The following OR52N1 variants were observed in gnomAD, a reference collection of about 807,000 sequenced individuals.
The protein encoded by OR52N1 is olfactory receptor family 52 subfamily N member 1.
A neutral mutation model predicts 13.9 loss-of-function variants in OR52N1; 11 were observed. The ratio of observed to expected loss-of-function variants is 0.79; its 90% CI spans 0.50 to 1.31. The LOEUF (loss-of-function observed/expected upper bound fraction) is 1.31, where lower values mean the gene tolerates loss of function less well. Among genes scored for constraint, OR52N1 ranks in the 40% most tolerant of loss-of-function variants. The pLI is 0.00. For synonymous variants in OR52N1, 142 were observed against 143.7 expected (o/e 0.99, Z 0.08); for missense variants, 414 against 397.7 (o/e 1.04, Z -0.35).
rs769835835 is a variant in OR52N1, at chr11:5,788,255, T to C, written c.562A>G (p.Lys188Glu). 6.2e-7 allele frequency: 1 copy of C among 1,614,106 alleles called. No individual in the cohort carries two copies. The highest frequency in any genetic ancestry group is 1.3e-5 in the African/African-American group (1 of 75,046). Residue 188 changes from lysine (K) to glutamate (E), a missense_variant, in exon 2 of 2, where the codon AAG (lysine) becomes GAG (glutamate). By Grantham distance (56) the Lys-to-Glu change is moderately conservative. Transcript: ENST00000641645. Reference protein sequence around the residue: ...HTYCDHMSVAKISCGNVRVNA... With the variant: ...HTYCDHMSVAEISCGNVRVNA... Reference sequence around the variant, plus strand: ...ACCCTGACATTACCACAAGATATCTTGGCCACAGACATGTGGTCACAGTAG... The same window carrying C: ...ACCCTGACATTACCACAAGATATCTCGGCCACAGACATGTGGTCACAGTAG...
In OR52N1 at chr11:5,787,112, C is replaced by T. The variant is rs992712531; in HGVS notation, c.*742G>A. The T allele has an allele frequency of 7.2e-6, 1 of 139,694 alleles. No homozygotes were observed. Among genetic ancestry groups the T allele is most frequent in the Non-Finnish European group, 1.6e-5 (1 of 63,278 alleles). 8.7% of individuals were successfully genotyped at this position (139,694 alleles called of 1,614,324 possible). A position where few individuals can be genotyped will look rare whatever the true frequency, so the allele number is the denominator to read the frequency against. On this transcript the variant is annotated 3_prime_UTR_variant, in exon 2 of 2. Coordinates refer to ENST00000641645, the MANE Select transcript of OR52N1 (RefSeq NM_001001913.2). ...GGTCAAGAACTAATCAACGGTGGTA[C>T]CTCAGAAGCATCCCCCTCATTACCT...
In OR52N1 at chr11:5,788,014, C is replaced by T. The variant is rs147782763; in HGVS notation, c.803G>A (p.Gly268Glu). The change falls in exon 2 of 2, where the codon GGA becomes GAA. Residue 268 changes from glycine to glutamate, a missense_variant. Gly to Glu is a moderately conservative substitution (Grantham distance 98). Transcript: ENST00000641645. ...FFTFFTHHFG[G>E]HTIPLHIHII... ...ATGTATGTGTAGAGGAATGGTGTGT[C>T]CCCCAAAATGGTGTGTAAAGAAGGT... 42 of 1,298,904 alleles carry T rather than the reference C, an allele frequency of 3.2e-5. 3 individuals carry two copies. The African/African-American group carries it at 7.3e-4, about 23-fold the overall frequency. The allele number at this position is 1,298,904 out of a possible 1,614,324, so 80.5% of individuals were successfully genotyped here. A position where few individuals can be genotyped will look rare whatever the true frequency, so the allele number is the denominator to read the frequency against.
rs1854604432 is a variant in OR52N1, at chr11:5,787,403, GC to G, written c.*450del. On this transcript the variant is annotated 3_prime_UTR_variant, in exon 2 of 2. Coordinates refer to ENST00000641645, the MANE Select transcript of OR52N1 (RefSeq NM_001001913.2). ...TGGGTTGCTACTGGATAGATATACA[GC>G]TGGCAAACTTGGGATAGAAGCAGAA... The G allele has an allele frequency of 7.2e-6, 1 of 139,416 alleles. No individual in the cohort carries two copies. Among genetic ancestry groups the G allele is most frequent in the Admixed American group, 7.2e-5 (1 of 13,952 alleles). The allele number at this position is 139,416 out of a possible 1,614,324, so 8.6% of individuals were successfully genotyped here. A position where few individuals can be genotyped will look rare whatever the true frequency, so the allele number is the denominator to read the frequency against.
rs374970756 is a variant in OR52N1 at position 5,789,399 on chromosome 11, A to G, written c.-44-539T>C. ...GCTGTAGTTTTCTTGAAGCGAAATC[A>G]TAGAATGATCTTAGAGGCAAATAAA... On this transcript the variant is annotated intron_variant, in intron 1 of 1. Transcript: ENST00000641645. 3.3e-5 allele frequency among the ~76,000 whole-genome samples: 5 copies of G among 152,302 alleles called. No homozygotes were observed. The East Asian group carries it at 5.8e-4, about 18-fold the overall frequency.
chr11:5,790,744 C>A lies in OR52N1; in HGVS notation c.-45+367G>T, dbSNP rs550444685. On this transcript the variant is annotated intron_variant, in intron 1 of 1. Transcript: ENST00000641645. Reference sequence around the variant, plus strand: ...TGATTGTTGGCCACATACGTGTTTTCTTCTGAGATGTGTCTGTTCATATCC... The same window carrying A: ...TGATTGTTGGCCACATACGTGTTTTATTCTGAGATGTGTCTGTTCATATCC... 1.5e-4 allele frequency among the ~76,000 whole-genome samples: 23 copies of A among 152,168 alleles called. No individual in the cohort carries two copies. The South Asian group carries it at 4.6e-3, about 30-fold the overall frequency.
chr11:5,788,775 G>A lies in OR52N1; in HGVS notation c.42C>T (p.Phe14=). The change falls in exon 2 of 2, where the codon TTC becomes TTT. Residue 14 remains phenylalanine, a synonymous_variant. Coordinates refer to ENST00000641645, the MANE Select transcript of OR52N1 (RefSeq NM_001001913.2). The part of the protein sequence containing the change: ...LNGTSLTPAS[F]ILNGIPGLED... ...CCAAACCAGGGATGCCATTTAGGATGAATGAAGCTGGAGTTAGGCTGGTGC... is the reference window on the plus strand; with the variant it reads ...CCAAACCAGGGATGCCATTTAGGATAAATGAAGCTGGAGTTAGGCTGGTGC... 6.2e-7 allele frequency: 1 copy of A among 1,609,046 alleles called. No homozygotes were observed. Among genetic ancestry groups the A allele is most frequent in the Non-Finnish European group, 8.5e-7 (1 of 1,179,690 alleles).
Position 5,788,929 on chromosome 11 carries a change from TG to T in OR52N1, c.-44-70del, listed in dbSNP as rs1203630949. On this transcript the variant is annotated intron_variant, in intron 1 of 1. Transcript: ENST00000641645. ...TGACCATCAGTCTTCTTTCCCATAA[TG>T]GCTATTTTGTTTTCCTTGTAGATCA... The T allele has an allele frequency of 8.4e-6, 10 of 1,186,538 alleles. No individual in the cohort carries two copies. In the African/African-American group the frequency reaches 1.1e-4, roughly 13 times the overall value. The allele number at this position is 1,186,538 out of a possible 1,614,324, so 73.5% of individuals were successfully genotyped here.
rs1244608508 is a variant in OR52N1 at position 5,787,869 on chromosome 11, A to C, written c.948T>G (p.Asn316Lys). ...TCAGAAGACTTTAAAAGTTATGAGA[A>C]TTGTCCTTTCCCTTAAGAAAGAACC... is the stretch of plus-strand genomic sequence containing the variant. ...VIRFFLKGKDNSHNF is the reference protein window; with the variant it reads ...VIRFFLKGKDKSHNF The change falls in exon 2 of 2, where the codon AAT becomes AAG. Residue 316 changes from asparagine (N) to lysine (K), a missense_variant. Coordinates refer to ENST00000641645, the MANE Select transcript of OR52N1 (RefSeq NM_001001913.2). 5.4e-6 allele frequency: 8 copies of C among 1,492,774 alleles called. 2 individuals are homozygous for C. Among genetic ancestry groups the C allele is most frequent in the Non-Finnish European group, 7.3e-6 (8 of 1,102,952 alleles). 92.5% of individuals were successfully genotyped at this position (1,492,774 alleles called of 1,614,324 possible). A position where few individuals can be genotyped will look rare whatever the true frequency, so the allele number is the denominator to read the frequency against.
At chr11:5,790,738 T>C (rs942961868) in intron 1 of OR52N1, among the ~76,000 whole-genome samples, 2 of 152,240 alleles carry the variant, frequency 1.3e-5, no homozygotes, top group East Asian at 3.9e-4. Context: ...GCCACATACG[T>C]GTTTTCTTCT....
At chr11:5,790,528 T>C (rs1270679831) in intron 1 of OR52N1, among the ~76,000 whole-genome samples, 1 of 152,110 alleles carries the variant, frequency 6.6e-6, no homozygotes, top group East Asian at 1.9e-4. Flanking sequence ...AAAGTGAAAA[T>C]GGAACATACA....
In OR52N1 at chr11:5,787,858, A is replaced by C. The variant is rs1171470760; in HGVS notation, c.959T>G (p.Phe320Cys). 1 of 1,480,662 alleles carries C rather than the reference A, an allele frequency of 6.8e-7. No homozygotes were observed. The highest frequency in any genetic ancestry group is 9.1e-7 in the Non-Finnish European group (1 of 1,097,466). 91.7% of individuals were successfully genotyped at this position (1,480,662 alleles called of 1,614,324 possible). The change falls in exon 2 of 2, where the codon TTT (phenylalanine) becomes TGT (cysteine). Residue 320 changes from phenylalanine to cysteine, a missense_variant. By Grantham distance (205) the Phe-to-Cys change is radical. Transcript: ENST00000641645. The part of the protein sequence containing the change: ...FLKGKDNSHN[F>C] The stretch of plus-strand genomic sequence containing the variant: ...ATTCTAACATCTCAGAAGACTTTAA[A>C]AGTTATGAGAATTGTCCTTTCCCTT...
Position 5,788,656 on chromosome 11 carries a change from T to C in OR52N1, c.161A>G (p.Asp54Gly), listed in dbSNP as rs746610022. The change falls in exon 2 of 2, where the codon GAT becomes GGT. Residue 54 changes from aspartate (D) to glycine (G), a missense_variant. Asp to Gly is a moderately conservative substitution (Grantham distance 94). Transcript: ENST00000641645. ...ATACATAGGTCTGTGTAAGGCCTCA[T>C]CACAGTAGATGAGGTACATAAGGCC... is the stretch of plus-strand genomic sequence containing the variant. Reference protein sequence around the residue: ...NFGLMYLIYCDEALHRPMYVF... With the variant: ...NFGLMYLIYCGEALHRPMYVF... 6 of 1,613,908 alleles carry C rather than the reference T, an allele frequency of 3.7e-6. No homozygotes were observed. The Admixed American group carries it at 8.3e-5, about 22-fold the overall frequency.
At position 5,790,522 on chromosome 11, in the gene OR52N1, T is replaced by A. The variant is rs185021485; in HGVS notation, c.-45+589A>T. ...TGAAATGTGAATATTTTATCCAAAG[T>A]GAAAATGGAACATACAAGCCAGTTT... On this transcript the variant is annotated intron_variant, in intron 1 of 1. Transcript: ENST00000641645. Among the ~76,000 whole-genome samples the A allele has an allele frequency of 4.6e-5, 7 of 152,232 alleles. No individual in the cohort carries two copies. In the East Asian group the frequency reaches 1.2e-3, roughly 25 times the overall value.
At position 5,787,845 on chromosome 11, in the gene OR52N1, CAGA is replaced by C. The variant is rs1167362862; in HGVS notation, c.*6_*8del. 1 of 1,469,558 alleles carries C rather than the reference CAGA, an allele frequency of 6.8e-7. No individual in the cohort carries two copies. The highest frequency in any genetic ancestry group is 9.2e-7 in the Non-Finnish European group (1 of 1,091,806). 91.0% of individuals were successfully genotyped at this position (1,469,558 alleles called of 1,614,324 possible). A position where few individuals can be genotyped will look rare whatever the true frequency, so the allele number is the denominator to read the frequency against. Reference sequence around the variant, plus strand: ...CCTGGCTAAGAAAATTCTAACATCTCAGAAGACTTTAAAAGTTATGAGAATTGT... The same window carrying C: ...CCTGGCTAAGAAAATTCTAACATCTCAGACTTTAAAAGTTATGAGAATTGT... On this transcript the variant is annotated 3_prime_UTR_variant, in exon 2 of 2. Transcript: ENST00000641645.
intron 1 of OR52N1, 147 bp from the exon 2 acceptor site, chr11:5,789,007 G>C (rs1463366264): frequency 3.2e-5 from 21 of 648,364 alleles, no homozygotes; most frequent in Non-Finnish European, 5.4e-5. Flanking sequence ...CACTGTCTGG[G>C]TGTGTGCCTT....
At position 5,787,683 on chromosome 11, in the gene OR52N1, A is replaced by G. The variant is rs1854607159; in HGVS notation, c.*171T>C. 2 of 603,788 alleles carry G rather than the reference A, an allele frequency of 3.3e-6. No individual in the cohort carries two copies. Among genetic ancestry groups the G allele is most frequent in the Admixed American group, 2.9e-5 (1 of 34,412 alleles). 37.4% of individuals were successfully genotyped at this position (603,788 alleles called of 1,614,324 possible). ...GGCTTTAAAGAACATGGAATAACATAAGAGAGGGTATTTACCTATTTGAAC... is the reference window on the plus strand; with the variant it reads ...GGCTTTAAAGAACATGGAATAACATGAGAGAGGGTATTTACCTATTTGAAC... On this transcript the variant is annotated 3_prime_UTR_variant, in exon 2 of 2. Transcript: ENST00000641645.
Position 5,788,280 on chromosome 11 carries a change from G to A in OR52N1, c.537C>T (p.Thr179=), listed in dbSNP as rs768053820. ...TGGCCACAGACATGTGGTCACAGTA[G>A]GTGTGGGGTATGACGTTGCCCTTGC... ...PYCKGNVIPH[T]YCDHMSVAKI... is the part of the protein sequence containing the mutation. The change falls in exon 2 of 2, where the codon ACC becomes ACT. Residue 179 remains threonine (T), a synonymous_variant. Coordinates refer to ENST00000641645, the MANE Select transcript of OR52N1 (RefSeq NM_001001913.2). 1.7e-5 allele frequency: 27 copies of A among 1,613,970 alleles called. No individual in the cohort carries two copies. The highest frequency in any genetic ancestry group is 3.3e-5 in the Admixed American group (2 of 59,972).
At chr11:5,790,812 AG>A in intron 1 of OR52N1, among the ~76,000 whole-genome samples, 1 of 152,132 alleles carries the variant, frequency 6.6e-6, no homozygotes, top group Admixed American at 6.6e-5. Context: ...TCTAAATTTA[AG>A]TTCCTTAAAG....
At position 5,788,723 on chromosome 11, in the gene OR52N1, G is replaced by A. The variant is rs557902606; in HGVS notation, c.94C>T (p.Pro32Ser). The A allele has an allele frequency of 4.3e-6, 7 of 1,613,522 alleles. No homozygotes were observed. In the South Asian group the frequency reaches 7.7e-5, roughly 18 times the overall value. ...GCAATGCTGTACATGGTACACAGTG[G>A]GAAGGAGATCCACAAATGCACATCT... Reference protein sequence around the residue: ...LEDVHLWISFPLCTMYSIAIT... With the variant: ...LEDVHLWISFSLCTMYSIAIT... The change falls in exon 2 of 2, where the codon CCA (proline) becomes TCA (serine). Residue 32 changes from proline (P) to serine (S), a missense_variant. By Grantham distance (74) the Pro-to-Ser change is moderately conservative. Coordinates refer to ENST00000641645, the MANE Select transcript of OR52N1 (RefSeq NM_001001913.2).
Sources: gnomAD v4.1 joint callset for allele counts (sites outside exome capture counted in the v4.1 genomes callset) on GRCh38, gnomAD v4.1.1 for gene constraint, MANE v1.5 for transcripts, NCBI Gene and HGNC (gene_info 2026-07-23, HGNC 2026-07-21) for gene names.